The following NR4A3 variants were observed in gnomAD, a reference collection of about 807,000 sequenced individuals.
NR4A3 encodes the protein nuclear receptor subfamily 4 group A member 3, also known as chondrosarcoma, extraskeletal myxoid, fused to EWS.
A neutral mutation model predicts 55.6 loss-of-function variants in NR4A3; 13 were observed. The observed-to-expected ratio is 0.23, with a 90% CI of 0.15 to 0.37. The LOEUF (loss-of-function observed/expected upper bound fraction) is 0.37. Among genes scored for constraint, NR4A3 ranks in the 10% least tolerant of loss-of-function variants. NR4A3 has a pLI of 1.00. For missense variants in NR4A3, 646 were observed against 822.8 expected (o/e 0.79, Z 2.63); for synonymous variants, 342 against 357.9 (o/e 0.96, Z 0.50).
At chr9:99,826,804 A>C in intron 2 of NR4A3, 1 of 1,613,034 alleles carries the variant, frequency 6.2e-7, no homozygotes, top group Non-Finnish European at 8.5e-7. Context: ...AAATGTGGGT[A>C]AGAGAAAGAT....
In NR4A3 at chr9:99,828,483, C is replaced by T. The variant is rs1827360472; in HGVS notation, c.441C>T (p.Ala147=). Residue 147 remains alanine (A), a synonymous_variant, in exon 3 of 8, where the codon GCC becomes GCT. Coordinates refer to ENST00000395097, the MANE Select transcript of NR4A3 (RefSeq NM_006981.4). This position sits in a 1 kb window ranked among gnomAD's most constrained non-coding sequence, Gnocchi z 7.7. The part of the protein sequence containing the change: ...QSPPSTPTTP[A]FPPQAGALWD... ...CACCGTCCACCCCCACCACGCCGGC[C>T]TTCCCCCCGCAGGCGGGGGCGTTAT... 1.9e-6 allele frequency: 3 copies of T among 1,578,686 alleles called. No homozygotes were observed. The highest frequency in any genetic ancestry group is 2.6e-6 in the Non-Finnish European group (3 of 1,164,110).
intron 5 of NR4A3, chr9:99,833,969 C>CACCTCTGCT: frequency 7.0e-6 from 8 of 1,147,434 alleles, no homozygotes; most frequent in Non-Finnish European, 8.6e-6. Context: ...GATGGAACGC[C>CACCTCTGCT]ACCTCTGCTA....
At position 99,825,082 on chromosome 9, in the gene NR4A3, G is replaced by T. The variant is rs1469627997; in HGVS notation, c.-176-577G>T. ...CTCGAAACTCGCGGCTAATAGAAGC[G>T]AAGCTCCATTAGCATTTAGAATGAA... On this transcript the variant is annotated intron_variant, in intron 1 of 7. Coordinates refer to ENST00000395097, the MANE Select transcript of NR4A3 (RefSeq NM_006981.4). The surrounding 1 kb of genome is among the most constrained non-coding windows in gnomAD (Gnocchi z 5.0). Among the ~76,000 whole-genome samples, 2 of 152,122 alleles carry T rather than the reference G, an allele frequency of 1.3e-5. No homozygotes were observed. Among genetic ancestry groups the T allele is most frequent in the South Asian group, 4.1e-4 (2 of 4,828 alleles).
chr9:99,861,586 G>C (rs1396068059), intron 7 of NR4A3, among the ~76,000 whole-genome samples: 3 of 152,140 alleles, frequency 2.0e-5, no homozygotes, highest in African/African-American at 7.2e-5. Context: ...TACAGATAAT[G>C]AAGTTCAACC....
intron 7 of NR4A3, among the ~76,000 whole-genome samples, chr9:99,856,463 C>A (rs1187975885): frequency 6.6e-6 from 1 of 152,132 alleles, no homozygotes; most frequent in Non-Finnish European, 1.5e-5. Flanking sequence ...CACTTGCTTG[C>A]CTGCCGCTCA....
chr9:99,839,050 C>G (rs1827606279), intron 5 of NR4A3, among the ~76,000 whole-genome samples: 1 of 152,208 alleles, frequency 6.6e-6, no homozygotes, highest in South Asian at 2.1e-4. Flanking sequence ...CAAGACAAAG[C>G]CCTTATCCAC....
chr9:99,833,570 T>C (rs1827490378), intron 5 of NR4A3, 116 bp downstream of exon 5: 1 of 1,608,600 alleles, frequency 6.2e-7, no homozygotes, highest in Admixed American at 1.7e-5. Flanking sequence ...ACAGTTTTCA[T>C]ACTTTTTCTA....
rs1234624519 is a variant in NR4A3, at chr9:99,822,893, G to T, written c.-177+486G>T. On this transcript the variant is annotated intron_variant, in intron 1 of 7. Transcript: ENST00000395097. This position sits in a 1 kb window ranked among gnomAD's most constrained non-coding sequence, Gnocchi z 4.9. ...ATGTTGCTAATGGTGGCACCGAGCT[G>T]GTTCTCTGGAAGGAAGCTTAGGAGG... 6.6e-6 allele frequency among the ~76,000 whole-genome samples: 1 copy of T among 152,202 alleles called. No homozygotes were observed. Among genetic ancestry groups the T allele is most frequent in the East Asian group, 1.9e-4 (1 of 5,194 alleles).
At chr9:99,849,179 TA>T (rs1276661089) in intron 7 of NR4A3, among the ~76,000 whole-genome samples, 1 of 152,190 alleles carries the variant, frequency 6.6e-6, no homozygotes, top group African/African-American at 2.4e-5. Flanking sequence ...TCCTATTAGC[TA>T]AGGTTAGATG....
chr9:99,859,280 C>G (rs1827973727), intron 7 of NR4A3, among the ~76,000 whole-genome samples: 1 of 152,138 alleles, frequency 6.6e-6, no homozygotes, highest in South Asian at 2.1e-4. Flanking sequence ...TATATTAGCT[C>G]CGTAGCCATG....
intron 7 of NR4A3, among the ~76,000 whole-genome samples, chr9:99,852,487 C>A (rs1384040456): frequency 6.6e-6 from 1 of 152,128 alleles, no homozygotes; most frequent in African/African-American, 2.4e-5. Context: ...AAAACTAATT[C>A]TATGTGATAT....
chr9:99,823,252 GTTCTC>G (rs1439495737), intron 1 of NR4A3, among the ~76,000 whole-genome samples: 4 of 152,132 alleles, frequency 2.6e-5, no homozygotes, highest in Admixed American at 6.5e-5. Flanking sequence ...AGAAATGAAA[GTTCTC>G]GGTGGTGAGA....
chr9:99,828,338 A>G lies in NR4A3; in HGVS notation c.296A>G (p.His99Arg), dbSNP rs148637005. The part of the protein sequence containing the change: ...GRAPSYHHHH[H>R]HHHHHHHHHQ... Reference sequence around the variant, plus strand: ...GCGCCCAGCTACCATCACCATCACCACCACCACCACCACCACCACCACCAT... The same window carrying G: ...GCGCCCAGCTACCATCACCATCACCGCCACCACCACCACCACCACCACCAT... The change falls in exon 3 of 8, where the codon CAC becomes CGC. Residue 99 changes from histidine (H) to arginine (R), a missense_variant. Physicochemically the swap from His to Arg is conservative, Grantham distance 29 (BLOSUM62 0). Around this residue, in one of 5 missense-constraint regions of NR4A3, gnomAD observed 426 missense variants for 429.4 expected, o/e 0.99. Coordinates refer to ENST00000395097, the MANE Select transcript of NR4A3 (RefSeq NM_006981.4). The surrounding 1 kb of genome is among the most constrained non-coding windows in gnomAD (Gnocchi z 7.7). 737 of 1,597,428 alleles carry G rather than the reference A, an allele frequency of 4.6e-4. 4 individuals are homozygous for G. The highest frequency in any genetic ancestry group is 7.4e-5 in the Non-Finnish European group (87 of 1,173,142).
At chr9:99,826,577 T>G in intron 2 of NR4A3, 2 of 581,834 alleles carry the variant, frequency 3.4e-6, no homozygotes, top group South Asian at 2.3e-5. Flanking sequence ...CAGGCAGTGT[T>G]CTTTCTTTTA....
At chr9:99,847,843 A>T (rs767349966) in intron 7 of NR4A3, among the ~76,000 whole-genome samples, 2 of 152,270 alleles carry the variant, frequency 1.3e-5, no homozygotes, top group African/African-American at 2.4e-5. Flanking sequence ...CATTGTCAGT[A>T]AGCCCAATAT....
At position 99,863,601 on chromosome 9, in the gene NR4A3, C is replaced by T. The variant is rs1828045132; in HGVS notation, c.1634-19C>T. 7 of 1,605,322 alleles carry T rather than the reference C, an allele frequency of 4.4e-6. No homozygotes were observed. The highest frequency in any genetic ancestry group is 5.1e-6 in the Non-Finnish European group (6 of 1,176,550). ...GTATTTGCCTCCTAAACTTCTTGCC[C>T]TTCTCTATCCCTCTGCAGAAAGACA... On this transcript the variant is annotated intron_variant, in intron 7 of 7. Coordinates refer to ENST00000395097, the MANE Select transcript of NR4A3 (RefSeq NM_006981.4).
Position 99,828,417 on chromosome 9 carries a change from C to T in NR4A3, c.375C>T (p.Asp125=), listed in dbSNP as rs770109155. The T allele has an allele frequency of 1.4e-5, 22 of 1,584,984 alleles. No homozygotes were observed. The highest frequency in any genetic ancestry group is 1.7e-5 in the Non-Finnish European group (20 of 1,164,940). Residue 125 remains aspartate (D), a synonymous_variant, in exon 3 of 8, where the codon GAC becomes GAT. Coordinates refer to ENST00000395097, the MANE Select transcript of NR4A3 (RefSeq NM_006981.4). This position sits in a 1 kb window ranked among gnomAD's most constrained non-coding sequence, Gnocchi z 7.7. The stretch of plus-strand genomic sequence containing the variant: ...TTCCTCCAGCCTCCAGCCCGGAGGA[C>T]GAGGTGCTGCCCAGCACCTCCATGT... ...PSIPPASSPE[D]EVLPSTSMYF... is the part of the protein sequence containing the mutation.
chr9:99,845,578 CT>C (rs1827739826), intron 6 of NR4A3, among the ~76,000 whole-genome samples: 1 of 152,148 alleles, frequency 6.6e-6, no homozygotes, highest in Non-Finnish European at 1.5e-5. Context: ...ATGATACCAA[CT>C]TTTTACCAAA....
intron 2 of NR4A3, among the ~76,000 whole-genome samples, chr9:99,826,190 T>G (rs1370827366): frequency 6.6e-6 from 1 of 152,236 alleles, no homozygotes; most frequent in East Asian, 1.9e-4. Flanking sequence ...AGAGCAATAC[T>G]GAGCATTTTC....
Sources: gnomAD v4.1 joint callset for allele counts (sites outside exome capture counted in the v4.1 genomes callset) on GRCh38, gnomAD v4.1.1 for gene constraint, gnomAD v4.1.1 regional missense constraint, Gnocchi (gnomAD v3.1) non-coding constraint, MANE v1.5 for transcripts, NCBI Gene and HGNC (gene_info 2026-07-23, HGNC 2026-07-21) for gene names.